Variants in MAP4K3 observed in about 807,000 individuals in gnomAD.
MAP4K3 encodes mitogen-activated protein kinase kinase kinase kinase 3.
MAP4K3 carries 94 observed loss-of-function variants against 143.5 expected under a neutral mutation model. The observed-to-expected ratio is 0.65, with a 90% confidence interval of 0.55 to 0.78. MAP4K3 has a LOEUF of 0.78. MAP4K3 is among the 30% of genes least tolerant of loss of function. The pLI is 0.00. For missense variants in MAP4K3, 1,077 were observed against 1,068.1 expected, an observed-to-expected ratio of 1.01 and a Z score of -0.12; for synonymous variants, 416 against 347.2, an observed-to-expected ratio of 1.20 and a Z score of -2.20.
At chr2:39,342,434 A>C (rs1393705709) in intron 4 of MAP4K3, among the ~76,000 whole-genome samples, 1 of 152,072 alleles carries the variant, frequency 6.6e-6, no homozygotes, top group Non-Finnish European at 1.5e-5. Flanking sequence ...CCGGCCCTTC[A>C]TCATCCTTTT....
intron 1 of MAP4K3, among the ~76,000 whole-genome samples, chr2:39,399,256 G>A (rs565942216): frequency 2.6e-5 from 4 of 152,164 alleles, no homozygotes; most frequent in African/African-American, 7.2e-5. Flanking sequence ...TAAGAAGCCT[G>A]CAAGAAGAGT....
At chr2:39,325,417 C>A in intron 12 of MAP4K3, 101 bp downstream of exon 12, 1 of 653,078 alleles carries the variant, frequency 1.5e-6, no homozygotes, top group South Asian at 3.0e-5. Context: ...TAAACTAGGC[C>A]CCAAAATTAA....
At chr2:39,350,633 A>G (rs190673877) in intron 3 of MAP4K3, among the ~76,000 whole-genome samples, 3 of 152,258 alleles carry the variant, frequency 2.0e-5, no homozygotes, top group Admixed American at 1.3e-4. Context: ...TCCCAGTTTT[A>G]TATAACTCAA....
chr2:39,272,472 A>G lies in MAP4K3; in HGVS notation c.1855+10T>C. On this transcript the variant is annotated intron_variant, in intron 25 of 33. Transcript: ENST00000263881. ...ACAATTGTAAGGTATTTAAAAACTA[A>G]TATACTTACCAGATATTGATAGCAA... 6.2e-7 allele frequency: 1 copy of G among 1,609,436 alleles called. No individual in the cohort carries two copies. The highest frequency in any genetic ancestry group is 8.5e-7 in the Non-Finnish European group (1 of 1,175,940).
intron 2 of MAP4K3, among the ~76,000 whole-genome samples, chr2:39,368,076 C>T (rs1466029297): frequency 1.3e-5 from 2 of 152,038 alleles, no homozygotes; most frequent in Non-Finnish European, 2.9e-5. Flanking sequence ...CAGGTTTACC[C>T]GAGTGGTTCT....
chr2:39,276,731 T>A (rs1681268839), intron 24 of MAP4K3, among the ~76,000 whole-genome samples: 1 of 152,250 alleles, frequency 6.6e-6, no homozygotes, highest in African/African-American at 2.4e-5. Flanking sequence ...ATTAATAGCA[T>A]CACCATTATT....
At chr2:39,272,701 G>T (rs541985233) in intron 24 of MAP4K3, among the ~76,000 whole-genome samples, 159 bp from the exon 25 acceptor site, 1 of 152,128 alleles carries the variant, frequency 6.6e-6, no homozygotes, top group East Asian at 1.9e-4. Flanking sequence ...AAACCAAGAT[G>T]ATATATATAC....
At chr2:39,342,314 G>C (rs1375916432) in intron 4 of MAP4K3, among the ~76,000 whole-genome samples, 3 of 151,946 alleles carry the variant, frequency 2.0e-5, no homozygotes, top group Non-Finnish European at 4.4e-5. Flanking sequence ...AATTTTGGTA[G>C]AGATGGGGTT....
chr2:39,256,601 T>C (rs922985692), intron 31 of MAP4K3, among the ~76,000 whole-genome samples: 1 of 152,238 alleles, frequency 6.6e-6, no homozygotes, highest in African/African-American at 2.4e-5. Flanking sequence ...TAGTTTACTA[T>C]TTGATAATGT....
At chr2:39,356,468 T>C (rs527955420) in intron 2 of MAP4K3, 129 bp from the exon 3 acceptor site, 46 of 602,296 alleles carry the variant, frequency 7.6e-5, no homozygotes, top group African/African-American at 4.8e-4. Context: ...AAATAAAACA[T>C]AGCCAATAAG....
chr2:39,295,898 C>T (rs552832561), intron 16 of MAP4K3, among the ~76,000 whole-genome samples: 1 of 151,892 alleles, frequency 6.6e-6, no homozygotes, highest in East Asian at 1.9e-4. Context: ...TTTGTATTTT[C>T]AGTAAAGACT....
rs747293878 is a variant in MAP4K3 at position 39,369,193 on chromosome 2, G to GTTTTTTTGTTTGTTTT, written c.154+8872_154+8873insAAAACAAACAAAAAAA. 1.8e-3 allele frequency among the ~76,000 whole-genome samples: 69 copies of GTTTTTTTGTTTGTTTT among 37,930 alleles called. 2 individuals are homozygous for GTTTTTTTGTTTGTTTT. Among genetic ancestry groups the GTTTTTTTGTTTGTTTT allele is most frequent in the East Asian group, 5.3e-3 (5 of 946 alleles). The allele number at this position is 37,930 out of a possible 152,430, so 24.9% of individuals were successfully genotyped here. A position where few individuals can be genotyped will look rare whatever the true frequency, so the allele number is the denominator to read the frequency against. On this transcript the variant is annotated intron_variant, in intron 2 of 33. Coordinates refer to ENST00000263881, the MANE Select transcript of MAP4K3 (RefSeq NM_003618.4). ...GGGTAAAATCTAAACCTTTGGGCTAGTTTTTTTTTTTGTTTTTTTTGAGAT... is the reference window on the plus strand; with the variant it reads ...GGGTAAAATCTAAACCTTTGGGCTAGTTTTTTTGTTTGTTTTTTTTTTTTTTTGTTTTTTTTGAGAT...
intron 2 of MAP4K3, among the ~76,000 whole-genome samples, chr2:39,366,018 GA>G (rs1169450325): frequency 6.6e-6 from 1 of 152,140 alleles, no homozygotes; most frequent in Non-Finnish European, 1.5e-5. Flanking sequence ...AACAATAAAT[GA>G]AATTAACAGT....
chr2:39,422,227 T>G (rs1010001998), intron 1 of MAP4K3, among the ~76,000 whole-genome samples: 1 of 152,100 alleles, frequency 6.6e-6, no homozygotes, highest in African/African-American at 2.4e-5. Flanking sequence ...CATTTCCTCC[T>G]GCCTTCTCAA....
intron 31 of MAP4K3, 145 bp downstream of exon 31, chr2:39,258,199 TGGGA>T: frequency 1.6e-6 from 1 of 634,180 alleles, no homozygotes; most frequent in Non-Finnish European, 2.6e-6. Flanking sequence ...CCCAAAGTGC[TGGGA>T]TTACAGGCAT....
intron 1 of MAP4K3, among the ~76,000 whole-genome samples, chr2:39,410,335 G>A (rs1158227296): frequency 1.3e-5 from 2 of 152,138 alleles, no homozygotes; most frequent in Non-Finnish European, 2.9e-5. Flanking sequence ...GCAACATCCT[G>A]TACCCATGTC....
At chr2:39,383,306 G>C (rs1414372769) in intron 1 of MAP4K3, among the ~76,000 whole-genome samples, 2 of 152,116 alleles carry the variant, frequency 1.3e-5, no homozygotes, top group East Asian at 3.9e-4. Context: ...CGTGGCAACA[G>C]GAATGAAAAG....
chr2:39,400,031 T>C (rs1471665574), intron 1 of MAP4K3, among the ~76,000 whole-genome samples: 2 of 152,142 alleles, frequency 1.3e-5, no homozygotes, highest in Non-Finnish European at 2.9e-5. Flanking sequence ...CAGACCCATA[T>C]AACCAACTAG....
intron 1 of MAP4K3, among the ~76,000 whole-genome samples, chr2:39,383,604 A>G (rs1314691986): frequency 2.6e-5 from 4 of 152,074 alleles, no homozygotes; most frequent in Non-Finnish European, 1.5e-5. Flanking sequence ...GGTTATGCCT[A>G]TTGTACCGGT....
Sources: allele counts gnomAD v4.1 joint callset (sites outside exome capture counted in the v4.1 genomes callset), GRCh38; gene constraint gnomAD v4.1.1; transcripts MANE v1.5; gene names NCBI Gene and HGNC (gene_info 2026-07-23, HGNC 2026-07-21).